ATRN: variants seen among roughly 807,000 people sequenced by gnomAD.
ATRN encodes the protein attractin-2.
ATRN carries 54 observed loss-of-function variants against 178.7 expected under a neutral mutation model. The ratio of observed to expected loss-of-function variants is 0.30; its 90% CI spans 0.24 to 0.38. The LOEUF (loss-of-function observed/expected upper bound fraction) is 0.38, where lower values mean the gene tolerates loss of function less well. ATRN is among the 10% of genes least tolerant of loss of function. The pLI, the probability that ATRN is intolerant of heterozygous loss-of-function variation, is 1.00. For synonymous variants in ATRN, 636 were observed against 663.0 expected (o/e 0.96, Z 0.63); for missense variants, 1,443 against 1,815.1 (o/e 0.79, Z 3.73).
intron 1 of ATRN, among the ~76,000 whole-genome samples, chr20:3,493,023 C>CTATAATTATATAAAATA (rs2084826846): frequency 7.1e-6 from 1 of 141,624 alleles, no homozygotes; most frequent in Non-Finnish European, 1.5e-5. Context: ...TGTATATTAT[C>CTATAATTATATAAAATA]TATAATTATA....
chr20:3,576,525 G>A (rs551254677), intron 13 of ATRN, among the ~76,000 whole-genome samples: 7 of 152,102 alleles, frequency 4.6e-5, no homozygotes, highest in African/African-American at 1.7e-4. Context: ...CATTTGAAAA[G>A]CACCAAGTTC....
At chr20:3,516,830 G>A (rs1028868645) in intron 1 of ATRN, among the ~76,000 whole-genome samples, 4 of 151,904 alleles carry the variant, frequency 2.6e-5, no homozygotes, top group African/African-American at 9.7e-5. Flanking sequence ...CCTTTTTTAT[G>A]GCTGTGTAGC....
At position 3,645,528 on chromosome 20, in the gene ATRN, C is replaced by T. The variant is rs926907071; in HGVS notation, c.4166-1195C>T. On this transcript the variant is annotated intron_variant, in intron 28 of 28. Coordinates refer to ENST00000262919, the MANE Select transcript of ATRN (RefSeq NM_139321.3). The surrounding 1 kb of genome is among the most constrained non-coding windows in gnomAD (Gnocchi z 4.7). ...CCTGAGGGCAGGGTGGCGGCTGGGGCGGCAAGGTGACAGGTGTGCAGCCCT... is the reference window on the plus strand; with the variant it reads ...CCTGAGGGCAGGGTGGCGGCTGGGGTGGCAAGGTGACAGGTGTGCAGCCCT... Among the ~76,000 whole-genome samples the T allele has an allele frequency of 5.3e-4, 81 of 152,184 alleles. No homozygotes were observed. Among genetic ancestry groups the T allele is most frequent in the African/African-American group, 1.8e-3 (74 of 41,456 alleles).
At chr20:3,490,918 T>C (rs1308720474) in intron 1 of ATRN, 19 of 1,310,174 alleles carry the variant, frequency 1.5e-5, no homozygotes, top group Non-Finnish European at 2.0e-5. Context: ...AGCGTGGACT[T>C]CTTAGTGAGC....
At chr20:3,622,941 C>T (rs1396283034) in intron 24 of ATRN, among the ~76,000 whole-genome samples, 2 of 152,196 alleles carry the variant, frequency 1.3e-5, no homozygotes, top group East Asian at 1.9e-4. Flanking sequence ...GCACAGGGCG[C>T]ATGAACACCA....
chr20:3,625,334 T>C (rs570925854), intron 25 of ATRN, among the ~76,000 whole-genome samples: 1 of 152,326 alleles, frequency 6.6e-6, no homozygotes, highest in African/African-American at 2.4e-5. Flanking sequence ...TTTAATACCA[T>C]TGTATCATAA....
intron 23 of ATRN, among the ~76,000 whole-genome samples, chr20:3,602,229 C>T (rs1325062342): frequency 6.6e-6 from 1 of 151,894 alleles, no homozygotes; most frequent in Non-Finnish European, 1.5e-5. Flanking sequence ...ACTCAGGAGG[C>T]TGAGGTAGGA....
intron 1 of ATRN, among the ~76,000 whole-genome samples, chr20:3,530,455 A>G (rs1276209896): frequency 8.2e-6 from 1 of 122,606 alleles, no homozygotes; most frequent in Admixed American, 8.3e-5. Context: ...TTTTTTTTGT[A>G]TTTTTAGTAG....
At position 3,626,992 on chromosome 20, in the gene ATRN, G is replaced by T. The variant is rs191292309; in HGVS notation, c.3863+2420G>T. Among the ~76,000 whole-genome samples, 12 of 152,026 alleles carry T rather than the reference G, an allele frequency of 7.9e-5. No homozygotes were observed. In the East Asian group the frequency reaches 1.9e-3, roughly 24 times the overall value. ...AGCAGAGACGGGGTTTCACCAGGTT[G>T]GCCAGGCTGGTCTCGAACTCCTGAC... On this transcript the variant is annotated intron_variant, in intron 25 of 28. Transcript: ENST00000262919.
chr20:3,543,617 G>C (rs238685), intron 3 of ATRN, among the ~76,000 whole-genome samples: 37,765 of 151,750 alleles, frequency 0.25, 5,146 homozygotes, highest in African/African-American at 0.29. Flanking sequence ...CCTAGCTACT[G>C]AGGAGGCTGA....
chr20:3,545,817 A>T lies in ATRN; in HGVS notation c.664A>T (p.Thr222Ser), dbSNP rs769080102. 6.2e-7 allele frequency: 1 copy of T among 1,614,108 alleles called. No homozygotes were observed. Residue 222 changes from threonine (T) to serine (S), a missense_variant, in exon 4 of 29, where the codon ACA (threonine) becomes TCA (serine). By Grantham distance (58) the Thr-to-Ser change is moderately conservative. This residue lies in a region of ATRN where 862 missense variants were observed against 972.1 expected (regional missense o/e 0.89). Transcript: ENST00000262919. ...GNETVPEVVA[T>S]SGYALLHFFS... ...TGAGACTGTCCCTGAGGTTGTTGCC[A>T]CATCAGGTTATGCCTTGCTGCATTT...
At chr20:3,521,893 C>T (rs1310443548) in intron 1 of ATRN, among the ~76,000 whole-genome samples, 1 of 152,120 alleles carries the variant, frequency 6.6e-6, no homozygotes, top group South Asian at 2.1e-4. Flanking sequence ...ATGATTCTCT[C>T]ACCTCAGCCT....
At chr20:3,594,456 C>G (rs370054930) in intron 19 of ATRN, 23 bp from the exon 20 acceptor site, 9 of 1,577,912 alleles carry the variant, frequency 5.7e-6, no homozygotes, top group African/African-American at 1.3e-5. Context: ...GTTGTGACCT[C>G]TGTTCCTTTT....
intron 1 of ATRN, among the ~76,000 whole-genome samples, chr20:3,521,556 T>C (rs2085296815): frequency 6.6e-6 from 1 of 152,192 alleles, no homozygotes; most frequent in African/African-American, 2.4e-5. Flanking sequence ...GTTGCAGATT[T>C]CAACATTTGC....
At chr20:3,534,620 A>AAACAG (rs1489818512) in intron 1 of ATRN, among the ~76,000 whole-genome samples, 1 of 152,184 alleles carries the variant, frequency 6.6e-6, no homozygotes, top group East Asian at 1.9e-4. Context: ...AAATATCTGG[A>AAACAG]AACAGCCATG....
At chr20:3,505,020 A>G (rs1455871309) in intron 1 of ATRN, among the ~76,000 whole-genome samples, 2 of 152,162 alleles carry the variant, frequency 1.3e-5, no homozygotes, top group Non-Finnish European at 2.9e-5. Flanking sequence ...ATCCGTGATG[A>G]TTAATTTTAC....
Position 3,634,358 on chromosome 20 carries a change from A to G in ATRN, c.3911A>G (p.Lys1304Arg), listed in dbSNP as rs777420260. 2 of 1,612,858 alleles carry G rather than the reference A, an allele frequency of 1.2e-6. No individual in the cohort carries two copies. The highest frequency in any genetic ancestry group is 1.7e-6 in the Non-Finnish European group (2 of 1,179,050). Residue 1304 changes from lysine (K) to arginine (R), a missense_variant, in exon 26 of 29, where the codon AAA (lysine) becomes AGA (arginine). Around this residue, in one of 4 missense-constraint regions of ATRN, gnomAD observed 289 missense variants for 440.8 expected, o/e 0.66. Coordinates refer to ENST00000262919, the MANE Select transcript of ATRN (RefSeq NM_139321.3). ...LLVAAVVWKIKQSCWASRRRE... is the reference protein window; with the variant it reads ...LLVAAVVWKIRQSCWASRRRE... The stretch of plus-strand genomic sequence containing the variant: ...GTGGCTGCTGTGGTTTGGAAGATCA[A>G]ACAAAGTTGTTGGGCCTCCAGACGT...
chr20:3,592,483 A>T, intron 19 of ATRN: 1 of 984,508 alleles, frequency 1.0e-6, no homozygotes, highest in Non-Finnish European at 1.2e-6. Context: ...AGGACATTTT[A>T]TTATGAGAAC....
At chr20:3,572,624 C>T in intron 11 of ATRN, 107 bp from the exon 12 acceptor site, 1 of 966,916 alleles carries the variant, frequency 1.0e-6, no homozygotes, top group Non-Finnish European at 1.5e-6. Flanking sequence ...TGAGACTAGC[C>T]TGGGCAACAG....
Sources: gnomAD v4.1 joint callset for allele counts (sites outside exome capture counted in the v4.1 genomes callset) on GRCh38, gnomAD v4.1.1 for gene constraint, gnomAD v4.1.1 regional missense constraint, Gnocchi (gnomAD v3.1) non-coding constraint, MANE v1.5 for transcripts, NCBI Gene and HGNC (gene_info 2026-07-23, HGNC 2026-07-21) for gene names.